Variants in SLC25A23 observed in about 807,000 individuals in gnomAD.
SLC25A23 encodes mitochondrial adenyl nucleotide antiporter SLC25A23.
Under a neutral mutation model 53.9 loss-of-function variants are expected in SLC25A23, and 32 were observed. The observed-to-expected ratio is 0.59, with a 90% CI of 0.45 to 0.80. The LOEUF (loss-of-function observed/expected upper bound fraction) is 0.80, where lower values mean the gene tolerates loss of function less well. Among genes scored for constraint, SLC25A23 ranks in the 30% least tolerant of loss-of-function variants. The probability of loss-of-function intolerance (pLI) is 0.00; values close to 1 mark genes in which losing one functional copy is unlikely to be tolerated. For missense variants in SLC25A23, 575 were observed against 651.4 expected, an observed-to-expected ratio of 0.88 and a Z score of 1.28; for synonymous variants, 275 against 264.5, an observed-to-expected ratio of 1.04 and a Z score of -0.38.
At chr19:6,443,061 C>T (rs1266258387) in intron 9 of SLC25A23, among the ~76,000 whole-genome samples, 6 of 151,516 alleles carry the variant, frequency 4.0e-5, no homozygotes, top group Admixed American at 3.3e-4. Flanking sequence ...GCCTCAGCCT[C>T]TCGAGTAGCT....
Position 6,454,616 on chromosome 19 carries a change from T to C in SLC25A23, c.585A>G (p.Ala195=). ...CCGTGCCTGTCCGTGACACGGCACCTGCCACTGCGCCGGCCACCAGCTGTT... is the reference window on the plus strand; with the variant it reads ...CCGTGCCTGTCCGTGACACGGCACCCGCCACTGCGCCGGCCACCAGCTGTT... ...WWKQLVAGAV[A]GAVSRTGTAP... is the part of the protein sequence containing the mutation. The change falls in exon 5 of 10, where the codon GCA becomes GCG. Residue 195 remains alanine (A), a synonymous_variant. Transcript: ENST00000301454. This position sits in a 1 kb window ranked among gnomAD's most constrained non-coding sequence, Gnocchi z 4.3. The C allele has an allele frequency of 6.2e-7, 1 of 1,613,974 alleles. No homozygotes were observed. Among genetic ancestry groups the C allele is most frequent in the Non-Finnish European group, 8.5e-7 (1 of 1,180,034 alleles).
chr19:6,457,182 C>T (rs1321103730), intron 3 of SLC25A23, among the ~76,000 whole-genome samples: 1 of 151,696 alleles, frequency 6.6e-6, no homozygotes, highest in Non-Finnish European at 1.5e-5. Flanking sequence ...TCCCGTGCCT[C>T]AGCCTCCCCA....
intron 9 of SLC25A23, among the ~76,000 whole-genome samples, chr19:6,443,216 G>A (rs1191771063): frequency 2.6e-5 from 4 of 152,040 alleles, no homozygotes; most frequent in Non-Finnish European, 5.9e-5. Context: ...TGGGATGGCA[G>A]GCGTGAGCCA....
At position 6,454,121 on chromosome 19, in the gene SLC25A23, C is replaced by G. The variant is rs976736690; in HGVS notation, c.796-33G>C. 6.3e-7 allele frequency: 1 copy of G among 1,592,996 alleles called. No individual in the cohort carries two copies. Among genetic ancestry groups the G allele is most frequent in the Admixed American group, 1.7e-5 (1 of 58,192 alleles). The stretch of plus-strand genomic sequence containing the variant: ...GGGGAGACACAGGGATGGGTAGGAC[C>G]ATGGGGGTTGAACCTTCCTTGCACT... On this transcript the variant is annotated intron_variant, in intron 6 of 9. Coordinates refer to ENST00000301454, the MANE Select transcript of SLC25A23 (RefSeq NM_024103.3). The surrounding 1 kb of genome is among the most constrained non-coding windows in gnomAD (Gnocchi z 4.3).
At position 6,455,707 on chromosome 19, in the gene SLC25A23, G is replaced by GTT. The variant is rs529957147; in HGVS notation, c.483+711_483+712dup. On this transcript the variant is annotated intron_variant, in intron 4 of 9. Transcript: ENST00000301454. Reference sequence around the variant, plus strand: ...TCCCATTGGATCCTCTGAAGACCGTGTTTTTTTTTTTTTTTTTTTTTTTTT... The same window carrying GTT: ...TCCCATTGGATCCTCTGAAGACCGTGTTTTTTTTTTTTTTTTTTTTTTTTTTT... Among the ~76,000 whole-genome samples the GTT allele has an allele frequency of 3.3e-3, 413 of 124,850 alleles. 24 individuals carry two copies. The highest frequency in any genetic ancestry group is 9.9e-3 in the African/African-American group (324 of 32,566). The allele number at this position is 124,850 out of a possible 152,430, so 81.9% of individuals were successfully genotyped here. A position where few individuals can be genotyped will look rare whatever the true frequency, so the allele number is the denominator to read the frequency against.
At chr19:6,449,074 C>A (rs2092548858) in intron 8 of SLC25A23, among the ~76,000 whole-genome samples, 1 of 151,554 alleles carries the variant, frequency 6.6e-6, no homozygotes, top group Non-Finnish European at 1.5e-5. Context: ...GTGGCCAGCA[C>A]TGGGTTAAAA....
At chr19:6,436,341 T>A, downstream of SLC25A23, 1 of 446,838 alleles carries the variant, frequency 2.2e-6, no homozygotes, top group South Asian at 1.6e-5. Flanking sequence ...ATTCAACTGA[T>A]AGAATTGCAG....
In SLC25A23 at chr19:6,442,101, G is replaced by A. The variant is rs1381129450; in HGVS notation, c.1281C>T (p.Ser427=). The A allele has an allele frequency of 1.2e-6, 2 of 1,610,840 alleles. No individual in the cohort carries two copies. The highest frequency in any genetic ancestry group is 1.7e-6 in the Non-Finnish European group (2 of 1,178,782). ...GGTAGAGGCCCCGCATGCCCTCCTG[G>A]GACAGGATGTGACGTAGCAGACCCA... ...SMLGLLRHIL[S]QEGMRGLYRG... The change falls in exon 10 of 10, where the codon TCC becomes TCT. Residue 427 remains serine (S), a synonymous_variant. Coordinates refer to ENST00000301454, the MANE Select transcript of SLC25A23 (RefSeq NM_024103.3).
chr19:6,437,764 G>A (rs1247086626), downstream of SLC25A23, among the ~76,000 whole-genome samples: 4 of 148,446 alleles, frequency 2.7e-5, no homozygotes, highest in Admixed American at 6.8e-5. Context: ...AGCCAAGATC[G>A]CGCCAGTGCA....
Position 6,454,160 on chromosome 19 carries a change from G to A in SLC25A23, c.796-72C>T. The A allele has an allele frequency of 6.5e-7, 1 of 1,530,148 alleles. No homozygotes were observed. The highest frequency in any genetic ancestry group is 8.9e-7 in the Non-Finnish European group (1 of 1,126,132). The allele number at this position is 1,530,148 out of a possible 1,614,324, so 94.8% of individuals were successfully genotyped here. A position where few individuals can be genotyped will look rare whatever the true frequency, so the allele number is the denominator to read the frequency against. ...CTTCCTTGCACTCCACTGTTCTCCT[G>A]GCTTCCAAAGAACTGGCTTGCTGCA... On this transcript the variant is annotated intron_variant, in intron 6 of 9. Coordinates refer to ENST00000301454, the MANE Select transcript of SLC25A23 (RefSeq NM_024103.3). This position sits in a 1 kb window ranked among gnomAD's most constrained non-coding sequence, Gnocchi z 4.3.
chr19:6,439,281 C>T (rs1199845964), downstream of SLC25A23, among the ~76,000 whole-genome samples: 2 of 151,838 alleles, frequency 1.3e-5, no homozygotes, highest in African/African-American at 4.8e-5. Context: ...CCCAGATACT[C>T]AGGAGGCTGT....
rs573141286 is a variant in SLC25A23 at position 6,448,853 on chromosome 19, G to A, written c.1071+3459C>T. ...AGCCTGGCCAACATAGTGAAACCCC[G>A]TCTCTACTAAAAATACAAAAATTAG... On this transcript the variant is annotated intron_variant, in intron 8 of 9. Transcript: ENST00000301454. Among the ~76,000 whole-genome samples, 209 of 150,606 alleles carry A rather than the reference G, an allele frequency of 1.4e-3. 1 individual carries two copies. The highest frequency in any genetic ancestry group is 4.8e-3 in the African/African-American group (199 of 41,170).
intron 3 of SLC25A23, 148 bp downstream of exon 3, chr19:6,457,355 C>T (rs1408319353): frequency 2.9e-6 from 2 of 680,562 alleles, no homozygotes; most frequent in Non-Finnish European, 5.0e-6. Context: ...ATGTGAGCCA[C>T]TGCGCCTGGC....
At chr19:6,456,010 C>A (rs10418566) in intron 4 of SLC25A23, 169,787 of 1,292,192 alleles carry the variant, frequency 0.13, 12,643 homozygotes, top group African/African-American at 0.26. Context: ...TGAGCCACTG[C>A]GCCTGGCCAA....
chr19:6,440,452 C>T lies in SLC25A23; in HGVS notation c.*1523G>A, dbSNP rs2092404102. ...TTTCAACTCTGGAAGCCTGGGGAGG[C>T]CCTGATAGTGCTGGGGTGGGGACAT... On this transcript the variant is annotated 3_prime_UTR_variant, in exon 10 of 10. Coordinates refer to ENST00000301454, the MANE Select transcript of SLC25A23 (RefSeq NM_024103.3). The T allele has an allele frequency of 6.6e-6, 1 of 151,528 alleles. No individual in the cohort carries two copies. The highest frequency in any genetic ancestry group is 1.5e-5 in the Non-Finnish European group (1 of 67,814). 9.4% of individuals were successfully genotyped at this position (151,528 alleles called of 1,614,324 possible).
Position 6,459,438 on chromosome 19 carries a change from C to T in SLC25A23, c.156+35G>A. 6.5e-7 allele frequency: 1 copy of T among 1,550,026 alleles called. No individual in the cohort carries two copies. The highest frequency in any genetic ancestry group is 1.8e-5 in the Admixed American group (1 of 54,604). ...CTTGGGTAACCGGGAGCGGGCGGGG[C>T]CGGGAGGGGAGGAGGTCCCTGGGGG... On this transcript the variant is annotated intron_variant, in intron 1 of 9. Coordinates refer to ENST00000301454, the MANE Select transcript of SLC25A23 (RefSeq NM_024103.3). The surrounding 1 kb of genome is among the most constrained non-coding windows in gnomAD (Gnocchi z 4.6).
Position 6,441,364 on chromosome 19 carries a change from C to T in SLC25A23, c.*611G>A, listed in dbSNP as rs1246119311. The stretch of plus-strand genomic sequence containing the variant: ...AATCCAGCAGCTGAGCTTGGAGATC[C>T]AGGGCTCGAGGCATGGGGATCTGGG... On this transcript the variant is annotated 3_prime_UTR_variant, in exon 10 of 10. Transcript: ENST00000301454. 6.5e-6 allele frequency: 1 copy of T among 153,426 alleles called. No homozygotes were observed. 9.5% of individuals were successfully genotyped at this position (153,426 alleles called of 1,614,324 possible).
At position 6,452,432 on chromosome 19, in the gene SLC25A23, C is replaced by T. The variant is rs774576513; in HGVS notation, c.951G>A (p.Gly317=). The change falls in exon 8 of 10, where the codon GGG becomes GGA. Residue 317 remains glycine (G), a synonymous_variant. Transcript: ENST00000301454. ...GGATACGCCTGGCGCAGTCCAGCAG[C>T]CCCTTATACTGGCCCGTCCGGCGCA... ...LTLRRTGQYK[G]LLDCARRILE... 3 of 1,613,638 alleles carry T rather than the reference C, an allele frequency of 1.9e-6. No homozygotes were observed. The highest frequency in any genetic ancestry group is 2.7e-5 in the African/African-American group (2 of 74,896).
chr19:6,458,240 G>A lies in SLC25A23; in HGVS notation c.241C>T (p.Arg81Cys), dbSNP rs751329356. 16 of 1,613,500 alleles carry A rather than the reference G, an allele frequency of 9.9e-6. No homozygotes were observed. The highest frequency in any genetic ancestry group is 5.3e-5 in the African/African-American group (4 of 74,898). ...AGACTGTGAAACATGAGCAGCAGAC[G>A]CTGTTCCCGCTCCTGCAGATAGCGG... ...FSRYLQEREQ[R>C]LLLMFHSLDR... The change falls in exon 2 of 10, where the codon CGT becomes TGT. Residue 81 changes from arginine (R) to cysteine (C), a missense_variant. Transcript: ENST00000301454.
Sources: allele counts gnomAD v4.1 joint callset (sites outside exome capture counted in the v4.1 genomes callset), GRCh38; gene constraint gnomAD v4.1.1; non-coding constraint Gnocchi (gnomAD v3.1); transcripts MANE v1.5; gene names NCBI Gene and HGNC (gene_info 2026-07-23, HGNC 2026-07-21).